Variants in XPO7 observed in about 807,000 individuals in gnomAD.
XPO7 encodes exportin 7.
XPO7 carries 21 observed loss-of-function variants against 144.3 expected under a neutral mutation model. The ratio of observed to expected loss-of-function variants is 0.15; its 90% CI spans 0.10 to 0.21. The LOEUF is 0.21. XPO7 is among the 10% of genes least tolerant of loss of function. The pLI, the probability that XPO7 is intolerant of heterozygous loss-of-function variation, is 1.00. For synonymous variants in XPO7, 580 were observed against 499.6 expected, an observed-to-expected ratio of 1.16 and a Z score of -2.15; for missense variants, 808 against 1,325.8, an observed-to-expected ratio of 0.61 and a Z score of 6.06.
chr8:21,994,333 A>C (rs764684523), intron 19 of XPO7, 30 bp from the exon 20 acceptor site: 1 of 1,579,098 alleles, frequency 6.3e-7, no homozygotes, highest in Non-Finnish European at 8.7e-7. Flanking sequence ...CTTTTCTTCT[A>C]TTTTAACACA....
In XPO7 at chr8:21,961,417, T is replaced by C. The variant is rs184327403; in HGVS notation, c.19-5440T>C. On this transcript the variant is annotated intron_variant, in intron 1 of 27. Transcript: ENST00000252512. ...TATTTGTAGAGGCGGAGTCTCCCTATATTGCTCAGGCTGGTTCTGAACTCC... is the reference window on the plus strand; with the variant it reads ...TATTTGTAGAGGCGGAGTCTCCCTACATTGCTCAGGCTGGTTCTGAACTCC... Among the ~76,000 whole-genome samples, 333 of 152,098 alleles carry C rather than the reference T, an allele frequency of 2.2e-3. 1 individual carries two copies. The highest frequency in any genetic ancestry group is 7.4e-3 in the African/African-American group (306 of 41,452).
At chr8:21,923,447 T>G (rs1219745026) in intron 1 of XPO7, among the ~76,000 whole-genome samples, 1 of 152,204 alleles carries the variant, frequency 6.6e-6, no homozygotes, top group Non-Finnish European at 1.5e-5. Context: ...ATGTGTGTAT[T>G]TTATTTCATT....
intron 24 of XPO7, among the ~76,000 whole-genome samples, chr8:22,000,491 C>T (rs573997427): frequency 1.6e-4 from 22 of 136,784 alleles, no homozygotes; most frequent in East Asian, 1.1e-3. Context: ...GTCGCTCTGT[C>T]GCCCAGGCTG....
At chr8:22,000,708 CT>C (rs1813112718) in intron 24 of XPO7, among the ~76,000 whole-genome samples, 1 of 152,154 alleles carries the variant, frequency 6.6e-6, no homozygotes, top group Non-Finnish European at 1.5e-5. Context: ...CTGGCTTGGC[CT>C]CCCAAAATAC....
intron 1 of XPO7, among the ~76,000 whole-genome samples, chr8:21,949,400 T>C (rs1290171384): frequency 6.6e-6 from 1 of 152,224 alleles, no homozygotes; most frequent in East Asian, 1.9e-4. Flanking sequence ...TACATACTGA[T>C]AGCATGGCAC....
At chr8:21,997,549 G>A (rs1812993162) in intron 21 of XPO7, among the ~76,000 whole-genome samples, 1 of 152,178 alleles carries the variant, frequency 6.6e-6, no homozygotes, top group African/African-American at 2.4e-5. Flanking sequence ...TGGGACTTGT[G>A]GCAGGAGCCT....
intron 27 of XPO7, 127 bp from the exon 28 acceptor site, chr8:22,004,868 C>A: frequency 3.5e-6 from 2 of 575,336 alleles, no homozygotes; most frequent in Non-Finnish European, 6.0e-6. Context: ...CTGAAATTAA[C>A]TGATCTTTGA....
chr8:21,955,716 G>A (rs1441858529), intron 1 of XPO7, among the ~76,000 whole-genome samples: 4 of 136,196 alleles, frequency 2.9e-5, no homozygotes, highest in African/African-American at 5.9e-5. Flanking sequence ...CCTGTATTCT[G>A]TGCTTACCTT....
intron 7 of XPO7, among the ~76,000 whole-genome samples, chr8:21,977,441 T>C (rs1434826585): frequency 6.6e-6 from 1 of 152,112 alleles, no homozygotes; most frequent in Non-Finnish European, 1.5e-5. Flanking sequence ...TAGCTGGGCA[T>C]GGTGGCACGT....
rs769568753 is a variant in XPO7 at position 21,999,189 on chromosome 8, C to T, written c.2527C>T (p.Leu843Phe). Residue 843 changes from leucine (L) to phenylalanine (F), a missense_variant, in exon 23 of 28, where the codon CTC (leucine) becomes TTC (phenylalanine). Physicochemically the swap from Leu to Phe is conservative, Grantham distance 22. Transcript: ENST00000252512. ...SICFSMLKAA[L>F]SGSYVNFGVF... is the part of the protein sequence containing the mutation. ...CTGCTTCTCCATGCTGAAGGCTGCT[C>T]TCAGTGGGAGTTACGTCAATTTCGG... 36 of 1,613,906 alleles carry T rather than the reference C, an allele frequency of 2.2e-5. No individual in the cohort carries two copies. The Admixed American group carries it at 5.5e-4, about 25-fold the overall frequency.
rs145466010 is a variant in XPO7 at position 21,987,236 on chromosome 8, G to A, written c.1673G>A (p.Arg558His). The A allele has an allele frequency of 1.2e-6, 2 of 1,613,886 alleles. No homozygotes were observed. Among genetic ancestry groups the A allele is most frequent in the African/African-American group, 1.3e-5 (1 of 75,022 alleles). The change falls in exon 14 of 28, where the codon CGT becomes CAT. Residue 558 changes from arginine to histidine, a missense_variant. Transcript: ENST00000252512. The part of the protein sequence containing the change: ...LAMLSFFEQF[R>H]KIYIGDQVQK... The stretch of plus-strand genomic sequence containing the variant: ...ATGCTGAGCTTTTTTGAACAGTTTC[G>A]TAAGATCTACATTGGGGACCAAGTG...
intron 1 of XPO7, among the ~76,000 whole-genome samples, chr8:21,948,503 A>G (rs2117283978): frequency 6.6e-6 from 1 of 152,320 alleles, no homozygotes; most frequent in East Asian, 1.9e-4. Context: ...GAAATTGCCT[A>G]AGGCTATATT....
At chr8:21,934,481 C>T (rs1047826090) in intron 1 of XPO7, among the ~76,000 whole-genome samples, 8 of 151,522 alleles carry the variant, frequency 5.3e-5, no homozygotes, top group Middle Eastern at 3.4e-3. Context: ...TACGGTGAGC[C>T]GAGATTGCGC....
At chr8:21,954,045 G>A (rs1585436733) in intron 1 of XPO7, among the ~76,000 whole-genome samples, 1 of 152,174 alleles carries the variant, frequency 6.6e-6, no homozygotes, top group East Asian at 1.9e-4. Context: ...AGAAGAGGGG[G>A]ACTGGGGAAG....
At chr8:22,004,944 T>C in intron 27 of XPO7, 51 bp from the exon 28 acceptor site, 1 of 569,224 alleles carries the variant, frequency 1.8e-6, no homozygotes, top group Non-Finnish European at 2.6e-6. Flanking sequence ...AAAAGGCAAA[T>C]ACCTTTCCCC....
At chr8:21,995,010 C>T (rs1349865149) in intron 20 of XPO7, among the ~76,000 whole-genome samples, 2 of 151,834 alleles carry the variant, frequency 1.3e-5, no homozygotes, top group East Asian at 1.9e-4. Flanking sequence ...GCCGAGATCG[C>T]GCCACTGCAC....
chr8:21,919,814 G>A, intron 1 of XPO7, 26 bp downstream of exon 1: 1 of 451,200 alleles, frequency 2.2e-6, no homozygotes, highest in African/African-American at 2.1e-5. Flanking sequence ...GGGGGGAGGG[G>A]GCGACCACGA....
chr8:21,979,289 C>G (rs987573628), intron 8 of XPO7, among the ~76,000 whole-genome samples: 8 of 152,046 alleles, frequency 5.3e-5, no homozygotes, highest in African/African-American at 1.9e-4. Flanking sequence ...AGGTGATCTG[C>G]CTGTTTCAGC....
intron 1 of XPO7, among the ~76,000 whole-genome samples, chr8:21,953,716 A>G (rs1465278153): frequency 1.3e-5 from 2 of 152,242 alleles, no homozygotes; most frequent in Non-Finnish European, 2.9e-5. Flanking sequence ...ATAGGTGTGT[A>G]GTAGTATCTC....
Sources: gnomAD v4.1 joint callset for allele counts (sites outside exome capture counted in the v4.1 genomes callset) on GRCh38, gnomAD v4.1.1 for gene constraint, MANE v1.5 for transcripts, NCBI Gene and HGNC (gene_info 2026-07-23, HGNC 2026-07-21) for gene names.